Variants in MICAL3 observed in about 807,000 individuals in gnomAD.
MICAL3 encodes microtubule associated monooxygenase, calponin and LIM domain containing 3.
MICAL3 carries 62 observed loss-of-function variants against 207.4 expected under a neutral mutation model. The ratio of observed to expected loss-of-function variants is 0.30; its 90% CI spans 0.24 to 0.37. MICAL3 has a LOEUF of 0.37. MICAL3 is among the 10% of genes least tolerant of loss of function. The probability of loss-of-function intolerance (pLI) is 1.00; values close to 1 mark genes in which losing one functional copy is unlikely to be tolerated. For missense variants in MICAL3, 2,368 were observed against 2,635.6 expected (o/e 0.90, Z 2.22); for synonymous variants, 1,077 against 1,069.3 (o/e 1.01, Z -0.14).
chr22:17,872,777 T>G (rs772153995), intron 16 of MICAL3: 1 of 1,613,640 alleles, frequency 6.2e-7, no homozygotes, highest in Non-Finnish European at 8.5e-7. Flanking sequence ...GGGCTTTGGG[T>G]TGTTCTTTCC....
chr22:17,998,988 G>A (rs1025749681), intron 1 of MICAL3, among the ~76,000 whole-genome samples: 6 of 152,132 alleles, frequency 3.9e-5, no homozygotes, highest in African/African-American at 7.2e-5. Context: ...GCTACAAGAC[G>A]GAGAAGGCAA....
At chr22:17,999,979 G>A (rs926532529) in intron 1 of MICAL3, among the ~76,000 whole-genome samples, 4 of 152,240 alleles carry the variant, frequency 2.6e-5, no homozygotes, top group Non-Finnish European at 4.4e-5. Context: ...CATCCTCTGA[G>A]AGGGCTGCAG....
intron 29 of MICAL3, among the ~76,000 whole-genome samples, chr22:17,800,466 C>A (rs1421915716): frequency 6.6e-6 from 1 of 152,128 alleles, no homozygotes; most frequent in East Asian, 1.9e-4. Context: ...TTAATGATTT[C>A]TTTGGAAATC....
chr22:17,976,539 G>A (rs1431221158), intron 1 of MICAL3, among the ~76,000 whole-genome samples: 6 of 48,004 alleles, frequency 1.2e-4, no homozygotes, highest in African/African-American at 5.0e-4. Flanking sequence ...ATATATATGT[G>A]TGTGTGTGTG....
At position 17,793,919 on chromosome 22, in the gene MICAL3, G is replaced by C. The variant is rs2061850214; in HGVS notation, c.5651-2618C>G. 6.6e-6 allele frequency: 1 copy of C among 152,046 alleles called. No individual in the cohort carries two copies. The highest frequency in any genetic ancestry group is 2.1e-4 in the South Asian group (1 of 4,818). The allele number at this position is 152,046 out of a possible 1,614,324, so 9.4% of individuals were successfully genotyped here. ...GAAGGTGGAATAAAAACAAGCAGAGGACAAAAAGCATAAAAAGTGAGAAAG... is the reference window on the plus strand; with the variant it reads ...GAAGGTGGAATAAAAACAAGCAGAGCACAAAAAGCATAAAAAGTGAGAAAG... On this transcript the variant is annotated intron_variant, in intron 29 of 31. Transcript: ENST00000441493. This position sits in a 1 kb window ranked among gnomAD's most constrained non-coding sequence, Gnocchi z 4.1.
intron 1 of MICAL3, among the ~76,000 whole-genome samples, chr22:17,935,674 T>G (rs927155478): frequency 1.3e-5 from 2 of 152,176 alleles, no homozygotes; most frequent in African/African-American, 2.4e-5. Context: ...TTTTGCAATC[T>G]ACCCATCTGA....
At chr22:17,862,011 T>A in intron 19 of MICAL3, 1 of 985,306 alleles carries the variant, frequency 1.0e-6, no homozygotes. Flanking sequence ...AATGCCACAA[T>A]ATAAAGAGGA....
intron 1 of MICAL3, among the ~76,000 whole-genome samples, chr22:17,917,348 G>A (rs1432648251): frequency 1.3e-5 from 2 of 152,102 alleles, no homozygotes; most frequent in African/African-American, 2.4e-5. Context: ...AAACAACACC[G>A]CCAGCTACCC....
At chr22:17,866,613 C>T (rs1077146) in intron 17 of MICAL3, among the ~76,000 whole-genome samples, 49,855 of 135,696 alleles carry the variant, frequency 0.37, 9,389 homozygotes, top group Admixed American at 0.46. Context: ...TAGAACAGAA[C>T]AGAATAGAAT....
chr22:17,818,396 A>G lies in MICAL3; in HGVS notation c.4265T>C (p.Leu1422Pro), dbSNP rs1291164317. Reference sequence around the variant, plus strand: ...CAGGCCCAGGCCAGAGCTGCTGGACAGCTCCCTGCGCTCCTCCTGGGCGCT... The same window carrying G: ...CAGGCCCAGGCCAGAGCTGCTGGACGGCTCCCTGCGCTCCTCCTGGGCGCT... ...LRSAQEERRE[L>P]SSSSGLGLHG... Residue 1422 changes from leucine to proline, a missense_variant, in exon 26 of 32, where the codon CTG (leucine) becomes CCG (proline). Leu to Pro is a moderately conservative substitution (Grantham distance 98). This residue lies in a region of MICAL3 where 1,770 missense variants were observed against 1,863.2 expected (regional missense o/e 0.95). Transcript: ENST00000441493. 6.2e-7 allele frequency: 1 copy of G among 1,610,766 alleles called. No individual in the cohort carries two copies. Among genetic ancestry groups the G allele is most frequent in the Non-Finnish European group, 8.5e-7 (1 of 1,179,614 alleles).
At chr22:17,882,675 A>G (rs578154007) in intron 16 of MICAL3, among the ~76,000 whole-genome samples, 1 of 152,346 alleles carries the variant, frequency 6.6e-6, no homozygotes, top group East Asian at 1.9e-4. Flanking sequence ...GCCACCTGGT[A>G]AATTCGCAAA....
intron 1 of MICAL3, among the ~76,000 whole-genome samples, chr22:17,961,426 G>C (rs1035051914): frequency 6.6e-6 from 1 of 152,140 alleles, no homozygotes; most frequent in Non-Finnish European, 1.5e-5. Context: ...CAGACACCTA[G>C]TGGAGGCCCC....
At position 17,818,156 on chromosome 22, in the gene MICAL3, G is replaced by A; in HGVS notation, c.4505C>T (p.Ala1502Val). The A allele has an allele frequency of 6.2e-7, 1 of 1,601,918 alleles. No individual in the cohort carries two copies. The highest frequency in any genetic ancestry group is 8.5e-7 in the Non-Finnish European group (1 of 1,175,800). ...ATWMRPPREP[A>V]QPPREEVRKS... Reference sequence around the variant, plus strand: ...CCGCACCTCCTCTCTGGGGGGCTGAGCAGGCTCCCGGGGGGGCCGCATCCA... The same window carrying A: ...CCGCACCTCCTCTCTGGGGGGCTGAACAGGCTCCCGGGGGGGCCGCATCCA... The change falls in exon 26 of 32, where the codon GCT (alanine) becomes GTT (valine). Residue 1502 changes from alanine to valine, a missense_variant. Transcript: ENST00000441493.
At chr22:17,988,884 T>C (rs1205803668) in intron 1 of MICAL3, among the ~76,000 whole-genome samples, 5 of 152,228 alleles carry the variant, frequency 3.3e-5, no homozygotes, top group Non-Finnish European at 7.3e-5. Flanking sequence ...CAGCCACAGC[T>C]ATCCACTTCT....
In MICAL3 at chr22:17,823,056, TG is replaced by T; in HGVS notation, c.3197del (p.Pro1066HisfsTer7). 1 of 1,602,122 alleles carries T rather than the reference TG, an allele frequency of 6.2e-7. No individual in the cohort carries two copies. Among genetic ancestry groups the T allele is most frequent in the Non-Finnish European group, 8.6e-7 (1 of 1,169,302 alleles). ...PASESSASGA[P>X]LDENDLEEDV... ...CTTCCTCTAGGTCATTCTCATCCAA[TG>T]GGGCTGCAAAGCAGAAAGGTTCAAA... is the stretch of plus-strand genomic sequence containing the variant. On this transcript the variant is annotated frameshift_variant, in exon 23 of 32. Coordinates refer to ENST00000441493, the MANE Select transcript of MICAL3 (RefSeq NM_015241.3). LOFTEE classifies it high-confidence loss of function.
chr22:17,930,277 C>T (rs560604664), intron 1 of MICAL3, among the ~76,000 whole-genome samples: 51 of 152,178 alleles, frequency 3.4e-4, no homozygotes, highest in Non-Finnish European at 6.3e-4. Flanking sequence ...ACACATCTAC[C>T]CTAAAACTCA....
At chr22:17,865,779 C>G (rs971655608) in intron 18 of MICAL3, 145 bp downstream of exon 18, 19 of 681,806 alleles carry the variant, frequency 2.8e-5, no homozygotes, top group African/African-American at 5.3e-5. Flanking sequence ...CTCTCCACCC[C>G]GGACTGCCAC....
intron 1 of MICAL3, among the ~76,000 whole-genome samples, chr22:17,979,252 A>G (rs1449596910): frequency 1.3e-5 from 2 of 151,564 alleles, no homozygotes; most frequent in African/African-American, 2.4e-5. Context: ...AGGTATAAAC[A>G]TATGTAAACG....
chr22:17,867,748 C>A (rs5992126), intron 17 of MICAL3, among the ~76,000 whole-genome samples: 40,907 of 152,146 alleles, frequency 0.27, 7,982 homozygotes, highest in African/African-American at 0.55. Context: ...GGGGACTGCT[C>A]TCTGGATGGA....
Sources: allele counts gnomAD v4.1 joint callset (sites outside exome capture counted in the v4.1 genomes callset), GRCh38; gene constraint gnomAD v4.1.1; regional missense constraint gnomAD v4.1.1; non-coding constraint Gnocchi (gnomAD v3.1); transcripts MANE v1.5; gene names NCBI Gene and HGNC (gene_info 2026-07-23, HGNC 2026-07-21).